The following PTPRJ variants were observed in gnomAD, a reference collection of about 807,000 sequenced individuals.
PTPRJ encodes protein tyrosine phosphatase receptor type J, also known as receptor-type tyrosine-protein phosphatase eta.
Under a neutral mutation model 141.3 loss-of-function variants are expected in PTPRJ, and 129 were observed. The observed-to-expected ratio is 0.91, with a 90% CI of 0.79 to 1.06. The LOEUF (loss-of-function observed/expected upper bound fraction) is 1.06, where lower values mean the gene tolerates loss of function less well. Ranked by LOEUF, PTPRJ falls within the 50% of genes least tolerant of loss-of-function variation. The pLI is 0.00. For missense variants in PTPRJ, 1,601 were observed against 1,679.7 expected (o/e 0.95, Z 0.82); for synonymous variants, 610 against 640.5 (o/e 0.95, Z 0.72).
chr11:47,986,443 G>A (rs763293993), intron 1 of PTPRJ, among the ~76,000 whole-genome samples: 1 of 152,226 alleles, frequency 6.6e-6, no homozygotes, highest in Non-Finnish European at 1.5e-5. Context: ...CCTAAAGCAA[G>A]GCCCAACTGC....
intron 7 of PTPRJ, among the ~76,000 whole-genome samples, chr11:48,128,557 T>A (rs1315466937): frequency 6.6e-6 from 1 of 152,228 alleles, no homozygotes; most frequent in Non-Finnish European, 1.5e-5. Flanking sequence ...GGTCCGATAA[T>A]GTAAAATAAA....
chr11:48,095,054 A>G (rs1332487944), intron 1 of PTPRJ, among the ~76,000 whole-genome samples: 1 of 152,054 alleles, frequency 6.6e-6, no homozygotes, highest in Non-Finnish European at 1.5e-5. Context: ...AAAATTACCC[A>G]TTTTGGACTT....
intron 1 of PTPRJ, among the ~76,000 whole-genome samples, chr11:48,043,804 C>T (rs1360604827): frequency 6.6e-6 from 1 of 152,128 alleles, no homozygotes; most frequent in African/African-American, 2.4e-5. Context: ...AGTGCATGCC[C>T]TATGCCTGGC....
intron 1 of PTPRJ, among the ~76,000 whole-genome samples, chr11:48,049,663 G>A (rs1854509022): frequency 6.7e-6 from 1 of 149,524 alleles, no homozygotes; most frequent in South Asian, 2.1e-4. Context: ...GCAGTGAGCC[G>A]AGATCGCGCC....
At chr11:48,095,999 C>T (rs746609409) in intron 1 of PTPRJ, among the ~76,000 whole-genome samples, 97 of 152,198 alleles carry the variant, frequency 6.4e-4, no homozygotes, top group Non-Finnish European at 1.3e-3. Context: ...TGGTGGCTCA[C>T]CCATGGCATT....
chr11:47,993,608 AATG>A, intron 1 of PTPRJ, among the ~76,000 whole-genome samples: 1 of 152,084 alleles, frequency 6.6e-6, no homozygotes, highest in East Asian at 1.9e-4. Flanking sequence ...CTGTAGTTTA[AATG>A]ATAACTTAAT....
chr11:48,150,440 C>T lies in PTPRJ; in HGVS notation c.3138+257C>T, dbSNP rs570280924. 1.3e-4 allele frequency among the ~76,000 whole-genome samples: 20 copies of T among 152,290 alleles called. No individual in the cohort carries two copies. The South Asian group carries it at 2.9e-3, about 22-fold the overall frequency. ...GGCTATATAACGCAAGGGGTTGTTG[C>T]GCTCCAAACCCTTTGCGTCATACTG... On this transcript the variant is annotated intron_variant, in intron 18 of 24. Coordinates refer to ENST00000418331, the MANE Select transcript of PTPRJ (RefSeq NM_002843.4).
At chr11:48,036,606 G>T (rs566686362) in intron 1 of PTPRJ, among the ~76,000 whole-genome samples, 5 of 152,074 alleles carry the variant, frequency 3.3e-5, no homozygotes, top group Non-Finnish European at 5.9e-5. Flanking sequence ...TGTTTAGGTC[G>T]AATCCTGGTT....
At chr11:48,132,732 C>T (rs1857011724) in intron 8 of PTPRJ, 1 of 956,624 alleles carries the variant, frequency 1.0e-6, no homozygotes, top group Non-Finnish European at 1.2e-6. Context: ...GGGACAGATT[C>T]CTTGAAACAC....
In PTPRJ at chr11:48,112,728, G is replaced by C; in HGVS notation, c.116-19G>C. The C allele has an allele frequency of 6.4e-7, 1 of 1,550,942 alleles. No individual in the cohort carries two copies. The highest frequency in any genetic ancestry group is 8.9e-7 in the Non-Finnish European group (1 of 1,123,452). On this transcript the variant is annotated intron_variant, in intron 2 of 24. Transcript: ENST00000418331. ...GGAGAAATATATTTTTAATCTAATT[G>C]TTTACTTTCTTTGCATAGCCCCTAG...
chr11:48,142,893 T>A, intron 11 of PTPRJ, 26 bp from the exon 12 acceptor site: 14 of 1,602,208 alleles, frequency 8.7e-6, no homozygotes, highest in Non-Finnish European at 1.2e-5. Context: ...TATTGGGTGA[T>A]CATGTTTTGT....
Position 48,139,779 on chromosome 11 carries a change from G to A in PTPRJ, c.2443+3G>A. On this transcript the variant is annotated splice_donor_region_variant and intron_variant, in intron 11 of 24. Transcript: ENST00000418331. ...CACCTGCACTACTGGCATCACAGGT[G>A]GGCTACAAGGCAGGGGCTGGTCAGT... is the stretch of plus-strand genomic sequence containing the variant. The A allele has an allele frequency of 1.2e-6, 2 of 1,613,422 alleles. No individual in the cohort carries two copies. The highest frequency in any genetic ancestry group is 1.3e-5 in the African/African-American group (1 of 75,034).
chr11:48,145,186 A>G (rs1590555484), intron 14 of PTPRJ, 62 bp downstream of exon 14: 1 of 1,606,836 alleles, frequency 6.2e-7, no homozygotes, highest in East Asian at 2.2e-5. Context: ...GTGTCCATAG[A>G]AGGCCAGCTG....
intron 1 of PTPRJ, among the ~76,000 whole-genome samples, chr11:48,067,440 T>C (rs966355076): frequency 1.3e-5 from 2 of 152,220 alleles, no homozygotes; most frequent in African/African-American, 4.8e-5. Flanking sequence ...TTTCACTCTT[T>C]ACAGACTATT....
rs71477910 is a variant in PTPRJ, at chr11:48,126,581, G to C, written c.1094-1199G>C. The stretch of plus-strand genomic sequence containing the variant: ...CCTCTTCCAGGTTGCAGACTCCCTG[G>C]GTCTTCACGTGGTTGAAGGGGTGAG... On this transcript the variant is annotated intron_variant, in intron 6 of 24. Transcript: ENST00000418331. 5.9e-3 allele frequency among the ~76,000 whole-genome samples: 893 copies of C among 152,052 alleles called. 5 individuals carry two copies. Among genetic ancestry groups the C allele is most frequent in the Non-Finnish European group, 9.0e-3 (613 of 67,972 alleles).
intron 1 of PTPRJ, among the ~76,000 whole-genome samples, chr11:48,032,896 C>T (rs1292830663): frequency 1.3e-5 from 2 of 152,044 alleles, no homozygotes; most frequent in African/African-American, 4.8e-5. Flanking sequence ...ATGGAGCTTA[C>T]GTTTGGTGGA....
intron 1 of PTPRJ, 98 bp from the exon 2 acceptor site, chr11:48,109,960 C>A: frequency 1.5e-6 from 2 of 1,367,586 alleles, no homozygotes; most frequent in Non-Finnish European, 2.1e-6. Context: ...TTCTTACCAC[C>A]CCACCCCCAT....
At chr11:48,031,942 C>T (rs1000971890) in intron 1 of PTPRJ, among the ~76,000 whole-genome samples, 1 of 152,202 alleles carries the variant, frequency 6.6e-6, no homozygotes, top group Non-Finnish European at 1.5e-5. Flanking sequence ...TATGCACCCT[C>T]CCCACCCCCG....
chr11:48,037,813 CA>C (rs1387932300), intron 1 of PTPRJ, among the ~76,000 whole-genome samples: 1 of 149,138 alleles, frequency 6.7e-6, no homozygotes, highest in Admixed American at 6.7e-5. Context: ...AACTCTGCCT[CA>C]AAAAAAAAGA....
Sources: allele counts gnomAD v4.1 joint callset (sites outside exome capture counted in the v4.1 genomes callset), GRCh38; gene constraint gnomAD v4.1.1; transcripts MANE v1.5; gene names NCBI Gene and HGNC (gene_info 2026-07-23, HGNC 2026-07-21).